KCNQ5: variants seen among roughly 807,000 people sequenced by gnomAD.
The protein encoded by KCNQ5 is potassium voltage-gated channel subfamily Q member 5.
KCNQ5 carries 30 observed loss-of-function variants against 98.2 expected under a neutral mutation model. That is an observed-to-expected ratio of 0.31 (90% CI 0.23 to 0.41). The LOEUF (loss-of-function observed/expected upper bound fraction) is 0.41, where lower values mean the gene tolerates loss of function less well. Ranked by LOEUF, KCNQ5 falls within the 10% of genes least tolerant of loss-of-function variation. KCNQ5 has a pLI of 1.00. For missense variants in KCNQ5, 835 were observed against 1,182.5 expected, an observed-to-expected ratio of 0.71 and a Z score of 4.31; for synonymous variants, 458 against 449.4, an observed-to-expected ratio of 1.02 and a Z score of -0.24.
chr6:73,189,782 TATC>T (rs1765516912), intron 11 of KCNQ5, among the ~76,000 whole-genome samples: 1 of 152,194 alleles, frequency 6.6e-6, no homozygotes, highest in Non-Finnish European at 1.5e-5. Flanking sequence ...GTTGATGAAA[TATC>T]ATTGTAAAAG....
intron 1 of KCNQ5, among the ~76,000 whole-genome samples, chr6:72,868,596 G>A (rs1778083704): frequency 6.6e-6 from 1 of 152,180 alleles, no homozygotes; most frequent in Non-Finnish European, 1.5e-5. Flanking sequence ...TGAGTGTTAT[G>A]ATTGGCAACC....
chr6:72,872,862 T>C (rs1403267626), intron 1 of KCNQ5, among the ~76,000 whole-genome samples: 3 of 152,136 alleles, frequency 2.0e-5, no homozygotes, highest in Non-Finnish European at 2.9e-5. Flanking sequence ...TTGATGTCCG[T>C]ATTTTACATT....
chr6:72,639,445 C>T (rs1325657351), intron 1 of KCNQ5, among the ~76,000 whole-genome samples: 2 of 151,988 alleles, frequency 1.3e-5, no homozygotes, highest in Admixed American at 6.6e-5. Context: ...AACATGATGT[C>T]CTGGAAAAAA....
intron 1 of KCNQ5, among the ~76,000 whole-genome samples, chr6:72,705,497 T>A (rs765187009): frequency 1.3e-5 from 2 of 152,128 alleles, no homozygotes; most frequent in Non-Finnish European, 2.9e-5. Flanking sequence ...TAGGTGCAGA[T>A]TGACATGTTG....
At chr6:72,702,418 G>T (rs917631712) in intron 1 of KCNQ5, among the ~76,000 whole-genome samples, 2 of 151,510 alleles carry the variant, frequency 1.3e-5, no homozygotes, top group African/African-American at 4.9e-5. Flanking sequence ...GAAATACAAG[G>T]TTTTTTTTTC....
At chr6:72,920,405 C>G (rs1202165725) in intron 1 of KCNQ5, among the ~76,000 whole-genome samples, 1 of 152,134 alleles carries the variant, frequency 6.6e-6, no homozygotes, top group African/African-American at 2.4e-5. Context: ...ATGGTTTGAT[C>G]CCTTTAAAAA....
intron 2 of KCNQ5, among the ~76,000 whole-genome samples, chr6:73,024,037 C>T (rs1246343091): frequency 6.6e-6 from 1 of 152,144 alleles, no homozygotes; most frequent in Non-Finnish European, 1.5e-5. Context: ...TAGCATCACT[C>T]CCAAATGTCA....
intron 8 of KCNQ5, among the ~76,000 whole-genome samples, chr6:73,121,052 A>G (rs1179425053): frequency 1.3e-5 from 2 of 152,184 alleles, no homozygotes; most frequent in Admixed American, 1.3e-4. Context: ...TTGCAGATCA[A>G]ACTCACATCA....
chr6:72,696,147 A>T (rs927691857), intron 1 of KCNQ5, among the ~76,000 whole-genome samples: 4 of 152,174 alleles, frequency 2.6e-5, no homozygotes, highest in Non-Finnish European at 5.9e-5. Context: ...ACTCTTACAC[A>T]TGTGCACAAA....
chr6:73,034,681 C>G (rs1771308938), intron 2 of KCNQ5, among the ~76,000 whole-genome samples: 1 of 152,060 alleles, frequency 6.6e-6, no homozygotes, highest in African/African-American at 2.4e-5. Flanking sequence ...TCAAATGGTA[C>G]AGCAGAGTTA....
intron 10 of KCNQ5, among the ~76,000 whole-genome samples, chr6:73,168,248 C>T (rs964690443): frequency 2.6e-5 from 4 of 152,186 alleles, no homozygotes; most frequent in African/African-American, 9.7e-5. Context: ...AATGAACCTC[C>T]AATAGCCTTT....
At chr6:72,842,304 G>T (rs1323870090) in intron 1 of KCNQ5, among the ~76,000 whole-genome samples, 1 of 152,122 alleles carries the variant, frequency 6.6e-6, no homozygotes, top group Non-Finnish European at 1.5e-5. Context: ...ACGATAGCTG[G>T]CAAGTATTCA....
At chr6:73,067,294 A>G (rs1773096459) in intron 3 of KCNQ5, among the ~76,000 whole-genome samples, 1 of 152,206 alleles carries the variant, frequency 6.6e-6, no homozygotes, top group Admixed American at 6.5e-5. Flanking sequence ...GACTTTGGAT[A>G]AGATTCTTGG....
intron 1 of KCNQ5, among the ~76,000 whole-genome samples, chr6:72,645,782 T>C (rs1004555238): frequency 2.0e-5 from 3 of 152,182 alleles, no homozygotes; most frequent in African/African-American, 7.2e-5. Context: ...GAGTTTGAAA[T>C]CTTGCTATTT....
Position 72,970,089 on chromosome 6 carries a change from T to G in KCNQ5, c.399-33819T>G, listed in dbSNP as rs373058671. 9.8e-4 allele frequency among the ~76,000 whole-genome samples: 149 copies of G among 152,004 alleles called. 1 individual carries two copies. In the South Asian group the frequency reaches 0.025, roughly 26 times the overall value. Reference sequence around the variant, plus strand: ...GCTTGGGCAACATAGCAAGACCCTATCTCTAAAAAAATAAAATAAATTAGC... The same window carrying G: ...GCTTGGGCAACATAGCAAGACCCTAGCTCTAAAAAAATAAAATAAATTAGC... On this transcript the variant is annotated intron_variant, in intron 1 of 13. Transcript: ENST00000370398.
chr6:72,876,104 ATAGTTAGTTATTTG>A (rs1393658257), intron 1 of KCNQ5, among the ~76,000 whole-genome samples: 1 of 152,068 alleles, frequency 6.6e-6, no homozygotes, highest in East Asian at 1.9e-4. Flanking sequence ...AACAACATTT[ATAGTTAGTTATTTG>A]TCTCTAAATT....
chr6:72,790,038 G>A (rs534071467), intron 1 of KCNQ5, among the ~76,000 whole-genome samples: 3 of 152,214 alleles, frequency 2.0e-5, no homozygotes, highest in South Asian at 2.1e-4. Context: ...AGAACTAGAC[G>A]CCACTTGTCA....
At chr6:73,018,468 C>T (rs1418429856) in intron 2 of KCNQ5, among the ~76,000 whole-genome samples, 1 of 151,900 alleles carries the variant, frequency 6.6e-6, no homozygotes, top group Non-Finnish European at 1.5e-5. Context: ...ACTGTGAGGA[C>T]AAACATTTCC....
At chr6:72,913,832 G>A (rs1201062253) in intron 1 of KCNQ5, among the ~76,000 whole-genome samples, 2 of 152,308 alleles carry the variant, frequency 1.3e-5, no homozygotes, top group East Asian at 3.9e-4. Flanking sequence ...AACAGGTAAA[G>A]TTGTGTATTT....
Sources: allele counts gnomAD v4.1 joint callset (sites outside exome capture counted in the v4.1 genomes callset), GRCh38; gene constraint gnomAD v4.1.1; transcripts MANE v1.5; gene names NCBI Gene and HGNC (gene_info 2026-07-23, HGNC 2026-07-21).